The following SLC44A5 variants were observed in gnomAD, a reference collection of about 807,000 sequenced individuals.
SLC44A5 encodes solute carrier family 44 member 5.
A neutral mutation model predicts 101.8 loss-of-function variants in SLC44A5; 57 were observed. The observed-to-expected ratio is 0.56, with a 90% confidence interval of 0.45 to 0.70. The LOEUF (loss-of-function observed/expected upper bound fraction) is 0.70. Among genes scored for constraint, SLC44A5 ranks in the 30% least tolerant of loss-of-function variants. The pLI, the probability that SLC44A5 is intolerant of heterozygous loss-of-function variation, is 0.00. For missense variants in SLC44A5, 737 were observed against 853.1 expected (o/e 0.86, Z 1.70); for synonymous variants, 281 against 290.9 (o/e 0.97, Z 0.35).
intron 3 of SLC44A5, among the ~76,000 whole-genome samples, chr1:75,354,571 C>CT (rs1658930905): frequency 6.6e-6 from 1 of 152,218 alleles, no homozygotes; most frequent in African/African-American, 2.4e-5. Context: ...TTTGCAGCCT[C>CT]CACACTCACG....
At chr1:75,697,360 C>A in the SLC44A5 span, among the ~76,000 whole-genome samples, 1 of 152,174 alleles carries the variant, frequency 6.6e-6, no homozygotes. Context: ...AAGAATCTGA[C>A]AAGTTCATAG....
chr1:75,619,092 G>GAAAA, the SLC44A5 span, among the ~76,000 whole-genome samples: 81 of 45,122 alleles, frequency 1.8e-3, no homozygotes, highest in Admixed American at 0.015. Context: ...GGGGGGGGAA[G>GAAAA]GAAAGAAGGA....
chr1:75,405,716 G>A (rs1219764533), intron 2 of SLC44A5, among the ~76,000 whole-genome samples: 1 of 152,112 alleles, frequency 6.6e-6, no homozygotes, highest in Non-Finnish European at 1.5e-5. Context: ...AGTGTTTAGA[G>A]GGAAATTCAT....
chr1:75,423,784 C>G (rs1156776944), intron 2 of SLC44A5, among the ~76,000 whole-genome samples: 2 of 152,248 alleles, frequency 1.3e-5, no homozygotes, highest in Non-Finnish European at 2.9e-5. Context: ...TTGCTGAGCA[C>G]ACACAGATAC....
intron 2 of SLC44A5, among the ~76,000 whole-genome samples, chr1:75,416,253 C>T (rs1663636207): frequency 6.6e-6 from 1 of 152,166 alleles, no homozygotes; most frequent in East Asian, 1.9e-4. Flanking sequence ...GCTGCTTTCA[C>T]CATGGCTGAA....
At chr1:75,265,965 T>C (rs1032971985) in intron 6 of SLC44A5, among the ~76,000 whole-genome samples, 3 of 152,274 alleles carry the variant, frequency 2.0e-5, no homozygotes, top group Non-Finnish European at 4.4e-5. Context: ...TGAGCAACTT[T>C]CCCAGAGCTC....
chr1:75,536,488 CT>C (rs1286191454), intron 2 of SLC44A5, among the ~76,000 whole-genome samples: 1 of 150,652 alleles, frequency 6.6e-6, no homozygotes, highest in Non-Finnish European at 1.5e-5. Context: ...GTAGTCCCAG[CT>C]ACTCCGGAGG....
At chr1:75,344,495 G>T (rs1212325466) in intron 3 of SLC44A5, among the ~76,000 whole-genome samples, 1 of 152,158 alleles carries the variant, frequency 6.6e-6, no homozygotes, top group East Asian at 1.9e-4. Flanking sequence ...GAAATGGTGA[G>T]ATTAGCCTGG....
the SLC44A5 span, among the ~76,000 whole-genome samples, chr1:75,707,146 T>C: frequency 6.6e-6 from 1 of 152,214 alleles, no homozygotes; most frequent in Non-Finnish European, 1.5e-5. Context: ...AATGGAACTA[T>C]TTAAAATCTA....
rs573052163 is a variant in SLC44A5 at position 75,579,736 on chromosome 1, CAG to C, written c.-70+31302_-70+31303del. On this transcript the variant is annotated intron_variant, in intron 1 of 23. Coordinates refer to ENST00000370859, the MANE Select transcript of SLC44A5 (RefSeq NM_001130058.2). Reference sequence around the variant, plus strand: ...CTCAATAGATAAGGTTTAGAGAAGACAGAATATATAGAAGAACAAATCTGAAA... The same window carrying C: ...CTCAATAGATAAGGTTTAGAGAAGACAATATATAGAAGAACAAATCTGAAA... 2.0e-3 allele frequency among the ~76,000 whole-genome samples: 298 copies of C among 151,848 alleles called. 1 individual carries two copies. The highest frequency in any genetic ancestry group is 3.1e-3 in the Non-Finnish European group (210 of 67,972).
chr1:75,558,498 C>T (rs558913341), intron 1 of SLC44A5, among the ~76,000 whole-genome samples: 4 of 152,132 alleles, frequency 2.6e-5, no homozygotes, highest in East Asian at 1.9e-4. Context: ...AAGTACACAC[C>T]GTTGATTTGC....
intron 2 of SLC44A5, among the ~76,000 whole-genome samples, chr1:75,492,764 C>T (rs575521662): frequency 6.6e-6 from 1 of 152,280 alleles, no homozygotes; most frequent in East Asian, 1.9e-4. Flanking sequence ...ATGATTATTG[C>T]TTTTATTTAC....
the SLC44A5 span, among the ~76,000 whole-genome samples, chr1:75,679,136 T>C: frequency 1.3e-5 from 2 of 152,166 alleles, no homozygotes; most frequent in African/African-American, 2.4e-5. Context: ...CTACATCTGA[T>C]TGGTGTACCT....
At chr1:75,318,568 G>T (rs12117361) in intron 4 of SLC44A5, among the ~76,000 whole-genome samples, 2 of 152,154 alleles carry the variant, frequency 1.3e-5, no homozygotes, top group Non-Finnish European at 2.9e-5. Flanking sequence ...TAAAAATGCA[G>T]TTCTATGACA....
intron 2 of SLC44A5, among the ~76,000 whole-genome samples, chr1:75,510,320 A>G (rs922775784): frequency 6.6e-6 from 1 of 152,192 alleles, no homozygotes; most frequent in South Asian, 2.1e-4. Flanking sequence ...AAGTCCAAGG[A>G]TGTTCTAGGA....
chr1:75,274,293 G>A (rs1651737718), intron 6 of SLC44A5, among the ~76,000 whole-genome samples: 1 of 152,014 alleles, frequency 6.6e-6, no homozygotes, highest in Non-Finnish European at 1.5e-5. Context: ...AGTGAGAGAA[G>A]AGGGAAGGTT....
intron 3 of SLC44A5, among the ~76,000 whole-genome samples, chr1:75,356,131 T>G (rs1659050150): frequency 6.9e-6 from 1 of 145,458 alleles, no homozygotes. Context: ...GAGAATTGCT[T>G]GAACTCAGGA....
chr1:75,353,631 T>C lies in SLC44A5; in HGVS notation c.53-14001A>G, dbSNP rs147504308. Among the ~76,000 whole-genome samples the C allele has an allele frequency of 1.1e-4, 17 of 152,352 alleles. No individual in the cohort carries two copies. The East Asian group carries it at 3.1e-3, about 28-fold the overall frequency. On this transcript the variant is annotated intron_variant, in intron 3 of 23. Coordinates refer to ENST00000370859, the MANE Select transcript of SLC44A5 (RefSeq NM_001130058.2). ...CACTCTCCACACAGGCTGATGCCAG[T>C]TAGGCTTTTCATAATGCTGCTCATG...
In SLC44A5 at chr1:75,203,726, TCTACTGC is replaced by T. The variant is rs1378813821; in HGVS notation, c.2148_2154del (p.Gln717ArgfsTer67). 1 of 1,548,186 alleles carries T rather than the reference TCTACTGC, an allele frequency of 6.5e-7. No homozygotes were observed. The highest frequency in any genetic ancestry group is 8.7e-7 in the Non-Finnish European group (1 of 1,145,456). ...AGCTGTAGGACGACCAGTTTGCTCT[TCTACTGC>T]TTCCTAGTTTGTGGATTTTCCTCCT... On this transcript the variant is annotated frameshift_variant and stop_lost, in exon 24 of 24. Transcript: ENST00000370859. LOFTEE classifies it high-confidence loss of function.
Sources: allele counts gnomAD v4.1 joint callset (sites outside exome capture counted in the v4.1 genomes callset), GRCh38; gene constraint gnomAD v4.1.1; transcripts MANE v1.5; gene names NCBI Gene and HGNC (gene_info 2026-07-23, HGNC 2026-07-21).